ACOXL: variants seen among roughly 807,000 people sequenced by gnomAD.
ACOXL encodes acyl-CoA oxidase like, also known as acyl-coenzyme A oxidase-like protein.
ACOXL carries 70 observed loss-of-function variants against 71.9 expected under a neutral mutation model. The ratio of observed to expected loss-of-function variants is 0.97; its 90% confidence interval spans 0.80 to 1.19. The LOEUF is 1.19. Ranked by LOEUF, ACOXL falls within the 50% of genes most tolerant of loss-of-function variation. The pLI is 0.00. For missense variants in ACOXL, 703 were observed against 736.3 expected (o/e 0.95, Z 0.52); for synonymous variants, 253 against 281.6 (o/e 0.90, Z 1.02).
At chr2:110,825,792 G>GC (rs1329546385) in intron 9 of ACOXL, among the ~76,000 whole-genome samples, 1 of 152,064 alleles carries the variant, frequency 6.6e-6, no homozygotes, top group Admixed American at 6.6e-5. Context: ...AATGTCTTGG[G>GC]CCCCCAGCCA....
chr2:111,043,147 C>T (rs1177128585), intron 15 of ACOXL, among the ~76,000 whole-genome samples: 1 of 152,212 alleles, frequency 6.6e-6, no homozygotes, highest in Non-Finnish European at 1.5e-5. Flanking sequence ...CTCTGCCGCT[C>T]TCTGGAACAG....
At chr2:110,987,589 T>G (rs2062989030) in intron 13 of ACOXL, among the ~76,000 whole-genome samples, 1 of 152,204 alleles carries the variant, frequency 6.6e-6, no homozygotes, top group Non-Finnish European at 1.5e-5. Flanking sequence ...GAGGTGAGAT[T>G]TGAACCCAGA....
chr2:111,026,099 C>A (rs1239773463), intron 14 of ACOXL, among the ~76,000 whole-genome samples: 1 of 152,162 alleles, frequency 6.6e-6, no homozygotes, highest in Admixed American at 6.6e-5. Context: ...TCTGAACTCT[C>A]TACTGTGTTC....
intron 14 of ACOXL, among the ~76,000 whole-genome samples, chr2:111,022,636 G>A (rs1353209089): frequency 1.3e-5 from 2 of 152,092 alleles, no homozygotes; most frequent in African/African-American, 2.4e-5. Flanking sequence ...GAAGGCAGCC[G>A]CGTGTTCTGC....
chr2:110,889,106 T>A (rs1697649570), intron 10 of ACOXL, among the ~76,000 whole-genome samples: 1 of 152,244 alleles, frequency 6.6e-6, no homozygotes, highest in African/African-American at 2.4e-5. Context: ...TACTTTATCA[T>A]CAAAATGAAC....
chr2:111,010,649 A>G (rs1217625082), intron 14 of ACOXL, among the ~76,000 whole-genome samples: 4 of 152,174 alleles, frequency 2.6e-5, no homozygotes, highest in Non-Finnish European at 2.9e-5. Context: ...CCATCATAGT[A>G]TAATTGCTGA....
intron 1 of ACOXL, among the ~76,000 whole-genome samples, chr2:110,763,112 T>G (rs1177622285): frequency 6.6e-6 from 1 of 152,210 alleles, no homozygotes; most frequent in Non-Finnish European, 1.5e-5. Flanking sequence ...GAGAGGAAAC[T>G]TAATGTTGTT....
intron 11 of ACOXL, among the ~76,000 whole-genome samples, chr2:110,931,690 A>G (rs559636275): frequency 4.6e-5 from 7 of 152,330 alleles, no homozygotes; most frequent in Non-Finnish European, 8.8e-5. Flanking sequence ...TTATATCTCC[A>G]TTTTACAGAT....
At chr2:110,974,408 C>T (rs57949394) in intron 12 of ACOXL, among the ~76,000 whole-genome samples, 9,157 of 152,124 alleles carry the variant, frequency 0.06, 646 homozygotes, top group East Asian at 0.35. Flanking sequence ...TTTTCTGACC[C>T]TTTTATTATT....
chr2:110,775,501 G>A (rs1247792548), intron 2 of ACOXL, among the ~76,000 whole-genome samples: 1 of 151,972 alleles, frequency 6.6e-6, no homozygotes, highest in Non-Finnish European at 1.5e-5. Context: ...TGTCTGATAA[G>A]GGATTGATAT....
At chr2:110,872,687 C>T (rs1048415391) in intron 10 of ACOXL, among the ~76,000 whole-genome samples, 7 of 152,346 alleles carry the variant, frequency 4.6e-5, no homozygotes, top group South Asian at 2.1e-4. Context: ...AGGGCGTGGC[C>T]GGCCGCCCTC....
intron 10 of ACOXL, among the ~76,000 whole-genome samples, chr2:110,845,433 T>C (rs1691705851): frequency 6.6e-6 from 1 of 152,208 alleles, no homozygotes; most frequent in South Asian, 2.1e-4. Flanking sequence ...AGGGAACACA[T>C]GCAAACCCTA....
At chr2:110,966,506 A>C (rs1017960565) in intron 12 of ACOXL, among the ~76,000 whole-genome samples, 1 of 152,206 alleles carries the variant, frequency 6.6e-6, no homozygotes, top group African/African-American at 2.4e-5. Flanking sequence ...AGATGACAAG[A>C]AACTGGATCA....
chr2:110,967,490 G>T (rs2149473287), intron 12 of ACOXL, among the ~76,000 whole-genome samples: 1 of 152,330 alleles, frequency 6.6e-6, no homozygotes, highest in Non-Finnish European at 1.5e-5. Context: ...ATTAAAAAGT[G>T]AGGAGGGCAA....
In ACOXL at chr2:110,805,205, C is replaced by T. The variant is rs151037305; in HGVS notation, c.621-58C>T. 1.6e-4 allele frequency: 262 copies of T among 1,600,528 alleles called. 3 individuals carry two copies. In the East Asian group the frequency reaches 4.3e-3, roughly 26 times the overall value. On this transcript the variant is annotated intron_variant, in intron 8 of 17. Transcript: ENST00000439055. ...TATGCACATGGGAGCCACCTGACTT[C>T]GTTTCTGGTGGTGCTATGTCCTGCT...
At chr2:110,775,934 A>G (rs1193077649) in intron 2 of ACOXL, among the ~76,000 whole-genome samples, 1 of 152,268 alleles carries the variant, frequency 6.6e-6, no homozygotes, top group East Asian at 1.9e-4. Flanking sequence ...AGTGAAAGCA[A>G]GGGCTCAGAG....
At chr2:110,948,448 T>C (rs947649950) in intron 12 of ACOXL, among the ~76,000 whole-genome samples, 25 of 152,166 alleles carry the variant, frequency 1.6e-4, no homozygotes, top group African/African-American at 5.8e-4. Flanking sequence ...TTATCTGGCA[T>C]CAGCCAACCC....
intron 10 of ACOXL, among the ~76,000 whole-genome samples, chr2:110,863,287 A>G (rs1464520404): frequency 1.3e-5 from 2 of 152,234 alleles, no homozygotes; most frequent in African/African-American, 4.8e-5. Flanking sequence ...TTTTAATAAC[A>G]TGGAGAGATG....
At chr2:111,055,637 A>C (rs563145117) in intron 16 of ACOXL, among the ~76,000 whole-genome samples, 20 of 152,352 alleles carry the variant, frequency 1.3e-4, no homozygotes, top group Non-Finnish European at 2.8e-4. Context: ...AATGCATCAC[A>C]TGTACCCACA....
Sources: gnomAD v4.1 joint callset for allele counts (sites outside exome capture counted in the v4.1 genomes callset) on GRCh38, gnomAD v4.1.1 for gene constraint, MANE v1.5 for transcripts, NCBI Gene and HGNC (gene_info 2026-07-23, HGNC 2026-07-21) for gene names.